TMEM232: variants seen among roughly 807,000 people sequenced by gnomAD.
The protein encoded by TMEM232 is transmembrane protein 232.
A neutral mutation model predicts 78.8 loss-of-function variants in TMEM232; 80 were observed. That is an observed-to-expected ratio of 1.01 (90% confidence interval 0.85 to 1.22). The LOEUF is 1.22. Ranked by LOEUF, TMEM232 falls within the 50% of genes most tolerant of loss-of-function variation. The pLI is 0.00. For synonymous variants in TMEM232, 297 were observed against 254.3 expected (o/e 1.17, Z -1.60); for missense variants, 881 against 742.2 (o/e 1.19, Z -2.17).
intron 10 of TMEM232, among the ~76,000 whole-genome samples, chr5:110,587,364 T>C (rs901815607): frequency 1.3e-5 from 2 of 152,092 alleles, no homozygotes; most frequent in Non-Finnish European, 2.9e-5. Context: ...ATATTTGCTA[T>C]GTTATCAAAC....
chr5:110,499,482 C>A (rs1462503334), intron 12 of TMEM232, among the ~76,000 whole-genome samples: 1 of 152,002 alleles, frequency 6.6e-6, no homozygotes, highest in Non-Finnish European at 1.5e-5. Flanking sequence ...TCTAGAACTC[C>A]TAGGCTCAAG....
At chr5:110,522,344 A>G (rs766257073) in intron 12 of TMEM232, among the ~76,000 whole-genome samples, 24 of 152,160 alleles carry the variant, frequency 1.6e-4, no homozygotes, top group Non-Finnish European at 2.9e-4. Flanking sequence ...TTACATATAT[A>G]TAAGGTCATA....
chr5:110,399,338 A>G (rs1755506274), intron 2 of TMEM232, among the ~76,000 whole-genome samples: 1 of 152,118 alleles, frequency 6.6e-6, no homozygotes, highest in South Asian at 2.1e-4. Flanking sequence ...GAGCCTTCAG[A>G]GCTCTCCTCC....
rs372701386 is a variant in TMEM232 at position 110,524,411 on chromosome 5, G to GAAAAGAAAAGAAAAGA, written c.1703+4176_1703+4177insTCTTTTCTTTTCTTTT. Among the ~76,000 whole-genome samples, 92 of 61,388 alleles carry GAAAAGAAAAGAAAAGA rather than the reference G, an allele frequency of 1.5e-3. 1 individual carries two copies. Among genetic ancestry groups the GAAAAGAAAAGAAAAGA allele is most frequent in the African/African-American group, 4.5e-3 (86 of 19,070 alleles). The allele number at this position is 61,388 out of a possible 152,430, so 40.3% of individuals were successfully genotyped here. A position where few individuals can be genotyped will look rare whatever the true frequency, so the allele number is the denominator to read the frequency against. On this transcript the variant is annotated intron_variant, in intron 12 of 13. Coordinates refer to ENST00000455884, the MANE Select transcript of TMEM232 (RefSeq NM_001039763.4). ...AGAAAGAAAGAAAGAAAGAAAGAAA[G>GAAAAGAAAAGAAAAGA]AAAGAAAAGAAAAGAAAAGAAAAGA...
At chr5:110,548,726 A>G (rs1309956547) in intron 11 of TMEM232, among the ~76,000 whole-genome samples, 2 of 152,110 alleles carry the variant, frequency 1.3e-5, no homozygotes, top group East Asian at 3.8e-4. Flanking sequence ...AGTAATTTTC[A>G]GGTTAAAAAA....
At chr5:110,500,288 C>CAAAA (rs773716425) in intron 12 of TMEM232, among the ~76,000 whole-genome samples, 27 of 69,440 alleles carry the variant, frequency 3.9e-4, no homozygotes, top group East Asian at 3.1e-3. Context: ...GACTCTGTCT[C>CAAAA]AAAAAAAAAA....
At chr5:110,467,369 G>A (rs1342822255) in intron 12 of TMEM232, among the ~76,000 whole-genome samples, 2 of 152,190 alleles carry the variant, frequency 1.3e-5, no homozygotes, top group African/African-American at 2.4e-5. Context: ...TAGGAGAGAT[G>A]GTGGTGTTCT....
chr5:110,400,265 C>A (rs752174983), intron 2 of TMEM232, among the ~76,000 whole-genome samples: 4 of 151,910 alleles, frequency 2.6e-5, no homozygotes, highest in Non-Finnish European at 5.9e-5. Context: ...GATATTGAGC[C>A]AATGATTTAA....
At chr5:110,693,550 C>A (rs1029955517) in intron 1 of TMEM232, among the ~76,000 whole-genome samples, 1 of 152,132 alleles carries the variant, frequency 6.6e-6, no homozygotes, top group Non-Finnish European at 1.5e-5. Flanking sequence ...AAGTTAAAAA[C>A]CCTGAAAAAC....
chr5:110,592,939 T>C lies in TMEM232; in HGVS notation c.1276+12170A>G, dbSNP rs185667008. Among the ~76,000 whole-genome samples, 20 of 152,326 alleles carry C rather than the reference T, an allele frequency of 1.3e-4. No individual in the cohort carries two copies. The East Asian group carries it at 3.7e-3, about 28-fold the overall frequency. On this transcript the variant is annotated intron_variant, in intron 10 of 13. Coordinates refer to ENST00000455884, the MANE Select transcript of TMEM232 (RefSeq NM_001039763.4). Reference sequence around the variant, plus strand: ...AATTATACAAAAGTAGTACCAACTTTGATGAAACTGTTGCTCACCATACAA... The same window carrying C: ...AATTATACAAAAGTAGTACCAACTTCGATGAAACTGTTGCTCACCATACAA...
At chr5:110,714,299 T>C (rs1796802613) in intron 1 of TMEM232, among the ~76,000 whole-genome samples, 1 of 152,204 alleles carries the variant, frequency 6.6e-6, no homozygotes, top group Non-Finnish European at 1.5e-5. Context: ...AGGACACCTA[T>C]ATGCTCATTA....
chr5:110,730,739 A>ACCTCCCCCAGGTC (rs1336958406), upstream of TMEM232, among the ~76,000 whole-genome samples: 1 of 152,058 alleles, frequency 6.6e-6, no homozygotes, highest in African/African-American at 2.4e-5. Flanking sequence ...TGATTCAATT[A>ACCTCCCCCAGGTC]CCTCCCCCAG....
chr5:110,692,652 T>C (rs1794272787), intron 1 of TMEM232, among the ~76,000 whole-genome samples: 1 of 152,224 alleles, frequency 6.6e-6, no homozygotes, highest in Admixed American at 6.5e-5. Flanking sequence ...CAGGAGATTA[T>C]ATCTCACACC....
intron 12 of TMEM232, among the ~76,000 whole-genome samples, chr5:110,459,720 G>A (rs1250709673): frequency 6.6e-6 from 1 of 152,054 alleles, no homozygotes; most frequent in Non-Finnish European, 1.5e-5. Flanking sequence ...AATTACTAAG[G>A]GAATATAGAG....
At chr5:110,509,366 G>T (rs1767426259) in intron 12 of TMEM232, among the ~76,000 whole-genome samples, 1 of 152,060 alleles carries the variant, frequency 6.6e-6, no homozygotes, top group Admixed American at 6.6e-5. Flanking sequence ...GGGCCCAGGA[G>T]TTTGAGTCTG....
At chr5:110,531,987 G>A (rs1239632544) in intron 11 of TMEM232, among the ~76,000 whole-genome samples, 2 of 152,082 alleles carry the variant, frequency 1.3e-5, no homozygotes, top group Non-Finnish European at 2.9e-5. Context: ...ACAGAAAAAA[G>A]TTGCAATTCC....
chr5:110,672,457 G>C (rs774343496), intron 1 of TMEM232, among the ~76,000 whole-genome samples: 3 of 152,122 alleles, frequency 2.0e-5, no homozygotes, highest in East Asian at 3.8e-4. Flanking sequence ...TTTGAGTAGA[G>C]TTGTGATATA....
At chr5:110,602,134 C>A (rs954874318) in intron 10 of TMEM232, among the ~76,000 whole-genome samples, 2 of 152,140 alleles carry the variant, frequency 1.3e-5, no homozygotes, top group Non-Finnish European at 2.9e-5. Context: ...AAACCTTATA[C>A]AAAAATTAAC....
rs571906494 is a variant in TMEM232, at chr5:110,397,128, A to C, written n.390+645T>G. On this transcript the variant is annotated intron_variant and non_coding_transcript_variant, in intron 3 of 8. Transcript: ENST00000507188. ...AAGAGGAAAACATTAAGACGGTTCT[A>C]CAATCTGTCACTGGACCTTGGAGCA... is the stretch of plus-strand genomic sequence containing the variant. 5.9e-5 allele frequency among the ~76,000 whole-genome samples: 9 copies of C among 152,272 alleles called. No individual in the cohort carries two copies. In the South Asian group the frequency reaches 1.7e-3, roughly 28 times the overall value.
Sources: allele counts gnomAD v4.1 joint callset (sites outside exome capture counted in the v4.1 genomes callset), GRCh38; gene constraint gnomAD v4.1.1; transcripts MANE v1.5; gene names NCBI Gene and HGNC (gene_info 2026-07-23, HGNC 2026-07-21).